Variants in ELP4 observed in about 807,000 individuals in gnomAD.
ELP4 encodes the protein elongator acetyltransferase complex subunit 4.
ELP4 carries 51 observed loss-of-function variants against 48.9 expected under a neutral mutation model. The observed-to-expected ratio is 1.04, with a 90% confidence interval of 0.83 to 1.32. The LOEUF (loss-of-function observed/expected upper bound fraction) is 1.32, where lower values mean the gene tolerates loss of function less well. ELP4 is among the 40% of genes most tolerant of loss of function. The pLI, the probability that ELP4 is intolerant of heterozygous loss-of-function variation, is 0.00. For synonymous variants in ELP4, 210 were observed against 189.2 expected, an observed-to-expected ratio of 1.11 and a Z score of -0.90; for missense variants, 519 against 514.6, an observed-to-expected ratio of 1.01 and a Z score of -0.08.
rs955360072 is a variant in ELP4 at position 31,789,589 on chromosome 11, AAAC to A, written c.*6069_*6071del. 15 of 606,698 alleles carry A rather than the reference AAAC, an allele frequency of 2.5e-5. No homozygotes were observed. The highest frequency in any genetic ancestry group is 8.3e-5 in the East Asian group (3 of 36,238). 37.6% of individuals were successfully genotyped at this position (606,698 alleles called of 1,614,324 possible). On this transcript the variant is annotated 3_prime_UTR_variant, in exon 10 of 10. Coordinates refer to ENST00000640961, the MANE Select transcript of ELP4 (RefSeq NM_019040.5). The stretch of plus-strand genomic sequence containing the variant: ...ATGGTTTTCTTTTTAAAAAAAAAAA[AAAC>A]AACTTCATGACCAACACAGATCAAA...
At chr11:31,599,414 G>C (rs953104395) in intron 4 of ELP4, 1 of 151,486 alleles carries the variant, frequency 6.6e-6, no homozygotes, top group Non-Finnish European at 1.5e-5. Flanking sequence ...AAGACTGATA[G>C]GCTTTGATGA....
chr11:31,532,369 A>C (rs555304978), intron 2 of ELP4, among the ~76,000 whole-genome samples: 3 of 152,358 alleles, frequency 2.0e-5, no homozygotes, highest in African/African-American at 7.2e-5. Context: ...AGCACGGAGA[A>C]AGCTGAGCTA....
At chr11:31,569,093 A>T (rs540098672) in intron 3 of ELP4, among the ~76,000 whole-genome samples, 12 of 152,084 alleles carry the variant, frequency 7.9e-5, no homozygotes, top group African/African-American at 2.9e-4. Flanking sequence ...TCAAAAAAAA[A>T]AATAAAAAAA....
chr11:31,710,808 T>A (rs1946726098), intron 9 of ELP4, among the ~76,000 whole-genome samples: 2 of 152,116 alleles, frequency 1.3e-5, no homozygotes, highest in Admixed American at 6.6e-5. Flanking sequence ...CCATATCTTT[T>A]CATGTAACTA....
chr11:31,542,816 G>T (rs1216099690), intron 3 of ELP4, among the ~76,000 whole-genome samples: 2 of 151,898 alleles, frequency 1.3e-5, no homozygotes, highest in Admixed American at 6.6e-5. Flanking sequence ...TTATAATAAG[G>T]AGAAAAATCA....
At chr11:31,543,452 G>C (rs376053580) in intron 3 of ELP4, among the ~76,000 whole-genome samples, 2 of 151,812 alleles carry the variant, frequency 1.3e-5, no homozygotes, top group African/African-American at 4.8e-5. Flanking sequence ...CCCAAGTAGC[G>C]GGGACTACAG....
chr11:31,631,617 T>C (rs1278057488), intron 6 of ELP4, among the ~76,000 whole-genome samples: 1 of 152,150 alleles, frequency 6.6e-6, no homozygotes, highest in Admixed American at 6.6e-5. Context: ...TATTGTGACC[T>C]TACTGTCAGT....
At chr11:31,629,993 C>A (rs974447773) in intron 6 of ELP4, among the ~76,000 whole-genome samples, 1 of 151,992 alleles carries the variant, frequency 6.6e-6, no homozygotes, top group Non-Finnish European at 1.5e-5. Context: ...ATTTATACTT[C>A]TAACCTAAGC....
chr11:31,775,312 C>G (rs142745115), intron 9 of ELP4, among the ~76,000 whole-genome samples: 3 of 152,274 alleles, frequency 2.0e-5, no homozygotes, highest in Non-Finnish European at 2.9e-5. Context: ...ACCACTGCCC[C>G]CTTACCACAC....
intron 9 of ELP4, chr11:31,727,933 A>G (rs1592258164): frequency 6.6e-6 from 1 of 152,170 alleles, no homozygotes; most frequent in East Asian, 1.9e-4. Context: ...GATGATAAGC[A>G]GTATCTTATG....
At chr11:31,779,709 G>A (rs1363815926) in intron 9 of ELP4, 1 of 152,160 alleles carries the variant, frequency 6.6e-6, no homozygotes, top group Non-Finnish European at 1.5e-5. Context: ...TTCCCTCCTT[G>A]CAGCGTTGAT....
intron 3 of ELP4, among the ~76,000 whole-genome samples, chr11:31,562,122 A>T (rs1311304256): frequency 6.6e-6 from 1 of 152,138 alleles, no homozygotes; most frequent in Non-Finnish European, 1.5e-5. Flanking sequence ...TATTTTCCCA[A>T]CCTCACTACC....
intron 4 of ELP4, among the ~76,000 whole-genome samples, chr11:31,600,900 T>G (rs556854623): frequency 3.3e-5 from 5 of 152,274 alleles, no homozygotes; most frequent in Admixed American, 3.3e-4. Context: ...TTTTTTACCG[T>G]TTTCCTCCTG....
chr11:31,526,402 A>T (rs537814632), intron 2 of ELP4, among the ~76,000 whole-genome samples: 2 of 152,084 alleles, frequency 1.3e-5, no homozygotes, highest in African/African-American at 4.8e-5. Flanking sequence ...GGCTTTCAAC[A>T]CTGGCCAGAA....
At position 31,647,815 on chromosome 11, in the gene ELP4, G is replaced by A; in HGVS notation, c.1002G>A (p.Glu334=). ...VVGLESFIGS[E]RETNPLYKDY... ...GTCTGGAATCATTTATTGGTTCTGA[G>A]AGAGAAACTAACCCATTGTATAAGG... The change falls in exon 8 of 10, where the codon GAG becomes GAA. Residue 334 remains glutamate (E), a synonymous_variant. Coordinates refer to ENST00000640961, the MANE Select transcript of ELP4 (RefSeq NM_019040.5). 1 of 1,607,240 alleles carries A rather than the reference G, an allele frequency of 6.2e-7. No homozygotes were observed. Among genetic ancestry groups the A allele is most frequent in the Non-Finnish European group, 8.5e-7 (1 of 1,174,806 alleles).
At chr11:31,604,751 G>A (rs1207792225) in intron 5 of ELP4, among the ~76,000 whole-genome samples, 1 of 151,730 alleles carries the variant, frequency 6.6e-6, no homozygotes, top group Non-Finnish European at 1.5e-5. Context: ...AGAATTTAGT[G>A]GAGACTACTG....
intron 9 of ELP4, among the ~76,000 whole-genome samples, chr11:31,742,016 G>T (rs1375937273): frequency 1.3e-5 from 2 of 152,080 alleles, no homozygotes; most frequent in Non-Finnish European, 2.9e-5. Flanking sequence ...TAGATGAATG[G>T]ATAACTAGAC....
At chr11:31,588,606 A>G (rs919851405) in intron 3 of ELP4, among the ~76,000 whole-genome samples, 1 of 152,208 alleles carries the variant, frequency 6.6e-6, no homozygotes, top group South Asian at 2.1e-4. Flanking sequence ...TATTTTTTAA[A>G]AATTCCAGGA....
chr11:31,743,810 T>G (rs1017096221), intron 9 of ELP4, among the ~76,000 whole-genome samples: 4 of 151,696 alleles, frequency 2.6e-5, no homozygotes, highest in African/African-American at 9.7e-5. Flanking sequence ...GATCTAAAAT[T>G]GACACCCTAA....
Sources: allele counts gnomAD v4.1 joint callset (sites outside exome capture counted in the v4.1 genomes callset), GRCh38; gene constraint gnomAD v4.1.1; transcripts MANE v1.5; gene names NCBI Gene and HGNC (gene_info 2026-07-23, HGNC 2026-07-21).